PARVA: variants seen among roughly 807,000 people sequenced by gnomAD.
PARVA encodes alpha-parvin.
In PARVA, 25 loss-of-function variants were observed where a neutral mutation model predicts 52.6. The observed-to-expected ratio is 0.48, with a 90% CI of 0.35 to 0.66. The LOEUF is 0.66. Ranked by LOEUF, PARVA falls within the 30% of genes least tolerant of loss-of-function variation. The probability of loss-of-function intolerance (pLI) is 0.01; values close to 1 mark genes in which losing one functional copy is unlikely to be tolerated. For missense variants in PARVA, 373 were observed against 450.9 expected, an observed-to-expected ratio of 0.83 and a Z score of 1.56; for synonymous variants, 185 against 179.1, an observed-to-expected ratio of 1.03 and a Z score of -0.26.
chr11:12,505,742 A>G (rs1941424697), intron 6 of PARVA, among the ~76,000 whole-genome samples: 1 of 151,972 alleles, frequency 6.6e-6, no homozygotes, highest in African/African-American at 2.4e-5. Context: ...AACTCAGACT[A>G]CTCTGGTTCA....
intron 12 of PARVA, among the ~76,000 whole-genome samples, chr11:12,519,587 A>G (rs1941612155): frequency 6.6e-6 from 1 of 152,168 alleles, no homozygotes; most frequent in African/African-American, 2.4e-5. Context: ...AGTTTGATGG[A>G]GACAGTGGGG....
Position 12,529,493 on chromosome 11 carries a change from A to T in PARVA, c.*1568A>T, listed in dbSNP as rs1800537319. ...GTGCTGATATTACATCTCGTTATGG[A>T]ATGTTCCTAAATATGCCAGGTAGAC... On this transcript the variant is annotated 3_prime_UTR_variant, in exon 13 of 13. Transcript: ENST00000334956. 6.6e-6 allele frequency: 1 copy of T among 152,192 alleles called. No individual in the cohort carries two copies. The highest frequency in any genetic ancestry group is 6.5e-5 in the Admixed American group (1 of 15,280). 9.4% of individuals were successfully genotyped at this position (152,192 alleles called of 1,614,324 possible). A position where few individuals can be genotyped will look rare whatever the true frequency, so the allele number is the denominator to read the frequency against.
At chr11:12,475,491 G>T (rs1440902089) in intron 3 of PARVA, among the ~76,000 whole-genome samples, 2 of 152,144 alleles carry the variant, frequency 1.3e-5, no homozygotes, top group Admixed American at 1.3e-4. Flanking sequence ...AGCACAGAAT[G>T]TCACATATAG....
At position 12,508,550 on chromosome 11, in the gene PARVA, C is replaced by A. The variant is rs529166831; in HGVS notation, c.658-34C>A. The A allele has an allele frequency of 4.2e-4, 624 of 1,496,356 alleles. 12 individuals are homozygous for A. The South Asian group carries it at 6.7e-3, about 16-fold the overall frequency. 92.7% of individuals were successfully genotyped at this position (1,496,356 alleles called of 1,614,324 possible). Reference sequence around the variant, plus strand: ...TTTTTCTAAAGCATAGTTTTCTCTTCTCCTCCCAACCCCTTTCCCCACCCC... The same window carrying A: ...TTTTTCTAAAGCATAGTTTTCTCTTATCCTCCCAACCCCTTTCCCCACCCC... On this transcript the variant is annotated intron_variant, in intron 6 of 12. Coordinates refer to ENST00000334956, the MANE Select transcript of PARVA (RefSeq NM_018222.5).
At chr11:12,514,126 G>A in intron 10 of PARVA, 61 bp downstream of exon 10, 1 of 1,360,204 alleles carries the variant, frequency 7.4e-7, no homozygotes, top group Non-Finnish European at 1.1e-6. Flanking sequence ...CCTGTTCCAA[G>A]TGGCCCACCA....
At chr11:12,442,694 C>T (rs1940484526) in intron 1 of PARVA, among the ~76,000 whole-genome samples, 1 of 151,902 alleles carries the variant, frequency 6.6e-6, no homozygotes, top group Non-Finnish European at 1.5e-5. Context: ...CACTGAGAAT[C>T]CAGGCACCAT....
chr11:12,474,018 A>C (rs1940970774), intron 3 of PARVA, 35 bp downstream of exon 3: 1 of 1,515,164 alleles, frequency 6.6e-7, no homozygotes, highest in South Asian at 1.2e-5. Context: ...CAGGTGCCTC[A>C]CTGACCCACC....
chr11:12,453,930 C>T (rs890901193), intron 1 of PARVA, among the ~76,000 whole-genome samples: 1 of 152,190 alleles, frequency 6.6e-6, no homozygotes, highest in Non-Finnish European at 1.5e-5. Context: ...CACAGCATCT[C>T]CCTGGGGTCC....
intron 12 of PARVA, among the ~76,000 whole-genome samples, chr11:12,525,641 G>A (rs1941690985): frequency 6.6e-6 from 1 of 152,200 alleles, no homozygotes; most frequent in African/African-American, 2.4e-5. Flanking sequence ...CCATCTGGCA[G>A]AAGGTGATTC....
intron 1 of PARVA, among the ~76,000 whole-genome samples, chr11:12,458,309 C>A (rs1940726047): frequency 6.6e-6 from 1 of 152,222 alleles, no homozygotes; most frequent in Non-Finnish European, 1.5e-5. Flanking sequence ...CAGTGTCATA[C>A]CCTACTGAGA....
intron 1 of PARVA, among the ~76,000 whole-genome samples, chr11:12,418,416 G>A (rs968124243): frequency 5.3e-5 from 8 of 152,026 alleles, no homozygotes; most frequent in Non-Finnish European, 1.0e-4. Context: ...TTCCCACTTT[G>A]GGCTTGCGTT....
intron 12 of PARVA, among the ~76,000 whole-genome samples, chr11:12,524,943 C>T (rs1941681916): frequency 2.0e-5 from 3 of 152,272 alleles, no homozygotes; most frequent in Admixed American, 6.5e-5. Context: ...TGCGCCCAGG[C>T]GGGGGTCAGG....
intron 1 of PARVA, among the ~76,000 whole-genome samples, chr11:12,421,586 G>A (rs936641976): frequency 4.6e-5 from 7 of 152,194 alleles, no homozygotes; most frequent in Non-Finnish European, 1.0e-4. Context: ...CCACATGGTG[G>A]TATCACAGCT....
intron 12 of PARVA, 148 bp downstream of exon 12, chr11:12,518,665 A>G: frequency 1.5e-6 from 1 of 664,090 alleles, no homozygotes; most frequent in Non-Finnish European, 2.8e-6. Context: ...AGTCCCAGAG[A>G]CCCTTTGTGA....
chr11:12,397,904 C>T (rs951237919), intron 1 of PARVA, among the ~76,000 whole-genome samples: 6 of 150,528 alleles, frequency 4.0e-5, no homozygotes, highest in South Asian at 4.2e-4. Context: ...AGATTTCTGA[C>T]GAGAGGAGGA....
At chr11:12,397,695 C>T (rs1939768797) in intron 1 of PARVA, among the ~76,000 whole-genome samples, 1 of 152,168 alleles carries the variant, frequency 6.6e-6, no homozygotes, top group Non-Finnish European at 1.5e-5. Flanking sequence ...GCAACAAATT[C>T]TCAGGCTCCT....
intron 1 of PARVA, among the ~76,000 whole-genome samples, chr11:12,419,044 G>A (rs1940108913): frequency 1.3e-5 from 2 of 152,162 alleles, no homozygotes; most frequent in African/African-American, 2.4e-5. Flanking sequence ...AATTTATGAA[G>A]TAACCAGGCT....
chr11:12,392,547 G>T (rs550670206), intron 1 of PARVA, among the ~76,000 whole-genome samples: 4 of 152,076 alleles, frequency 2.6e-5, no homozygotes, highest in African/African-American at 9.7e-5. Context: ...GGGATTACAG[G>T]CATGAGCCAC....
intron 1 of PARVA, among the ~76,000 whole-genome samples, chr11:12,381,954 G>C (rs775576585): frequency 6.6e-6 from 1 of 151,956 alleles, no homozygotes; most frequent in Non-Finnish European, 1.5e-5. Context: ...GTTAGTCAAG[G>C]TTTATGGTAT....
Sources: gnomAD v4.1 joint callset for allele counts (sites outside exome capture counted in the v4.1 genomes callset) on GRCh38, gnomAD v4.1.1 for gene constraint, MANE v1.5 for transcripts, NCBI Gene and HGNC (gene_info 2026-07-23, HGNC 2026-07-21) for gene names.